Variants in NCAM2 observed in about 807,000 individuals in gnomAD.
NCAM2 encodes the protein neural cell adhesion molecule 2.
A neutral mutation model predicts 98.1 loss-of-function variants in NCAM2; 30 were observed. The ratio of observed to expected loss-of-function variants is 0.31; its 90% CI spans 0.23 to 0.41. The LOEUF (loss-of-function observed/expected upper bound fraction) is 0.41, where lower values mean the gene tolerates loss of function less well. NCAM2 is among the 10% of genes least tolerant of loss of function. The pLI, the probability that NCAM2 is intolerant of heterozygous loss-of-function variation, is 1.00. For missense variants in NCAM2, 867 were observed against 1,005.8 expected, an observed-to-expected ratio of 0.86 and a Z score of 1.87; for synonymous variants, 368 against 342.4, an observed-to-expected ratio of 1.07 and a Z score of -0.83.
chr21:21,454,713 T>C (rs1981863326), intron 12 of NCAM2, among the ~76,000 whole-genome samples: 1 of 151,994 alleles, frequency 6.6e-6, no homozygotes. Flanking sequence ...CTTCAGAATG[T>C]TTGGTATACA....
chr21:21,276,510 A>G (rs1418924737), intron 1 of NCAM2, among the ~76,000 whole-genome samples: 1 of 152,048 alleles, frequency 6.6e-6, no homozygotes, highest in Non-Finnish European at 1.5e-5. Context: ...ATGGATAGCT[A>G]TCAAATGTTT....
chr21:21,426,812 A>T (rs538398083), intron 11 of NCAM2, among the ~76,000 whole-genome samples: 33 of 152,196 alleles, frequency 2.2e-4, no homozygotes, highest in Non-Finnish European at 4.4e-4. Flanking sequence ...GGTTCACTAC[A>T]TGAAACTTAG....
chr21:21,076,313 A>C (rs1396366252), intron 1 of NCAM2, among the ~76,000 whole-genome samples: 2 of 152,292 alleles, frequency 1.3e-5, no homozygotes, highest in East Asian at 3.9e-4. Flanking sequence ...AATAAACTTA[A>C]ACAAAAAGCA....
intron 1 of NCAM2, among the ~76,000 whole-genome samples, chr21:21,197,318 T>C (rs980382430): frequency 3.3e-5 from 5 of 152,004 alleles, no homozygotes; most frequent in Non-Finnish European, 5.9e-5. Flanking sequence ...TTAGTAGAGA[T>C]GAGGTTTCAC....
At chr21:21,410,069 C>T (rs916872725) in intron 9 of NCAM2, among the ~76,000 whole-genome samples, 1 of 151,854 alleles carries the variant, frequency 6.6e-6, no homozygotes, top group African/African-American at 2.4e-5. Context: ...GGAGGCGGAG[C>T]TTGCAGTGAG....
intron 1 of NCAM2, among the ~76,000 whole-genome samples, chr21:21,173,895 C>T (rs1300996047): frequency 6.6e-6 from 1 of 152,038 alleles, no homozygotes; most frequent in East Asian, 1.9e-4. Context: ...CTAGGATTGG[C>T]ATACAGGTGT....
intron 1 of NCAM2, among the ~76,000 whole-genome samples, chr21:21,111,774 C>T (rs928098491): frequency 1.3e-5 from 2 of 151,966 alleles, no homozygotes; most frequent in Middle Eastern, 3.2e-3. Context: ...TAGCGGGGGT[C>T]GTTTCAGGTT....
At chr21:21,162,470 C>G (rs2067814627) in intron 1 of NCAM2, among the ~76,000 whole-genome samples, 1 of 151,960 alleles carries the variant, frequency 6.6e-6, no homozygotes, top group African/African-American at 2.4e-5. Context: ...TGTTTAAATA[C>G]CAGTTTAGCA....
intron 1 of NCAM2, 100 bp downstream of exon 1, chr21:20,998,718 A>G (rs952242253): frequency 2.7e-6 from 3 of 1,127,212 alleles, no homozygotes; most frequent in East Asian, 2.5e-5. Context: ...TGAAAGAACT[A>G]AAGTTACAGT....
At chr21:21,492,801 A>C (rs1277648939) in intron 15 of NCAM2, among the ~76,000 whole-genome samples, 1 of 151,928 alleles carries the variant, frequency 6.6e-6, no homozygotes, top group Non-Finnish European at 1.5e-5. Context: ...CAAAATGTTA[A>C]AAACAAGTAT....
intron 1 of NCAM2, among the ~76,000 whole-genome samples, chr21:21,000,517 T>C (rs1462762691): frequency 6.6e-6 from 1 of 152,200 alleles, no homozygotes; most frequent in African/African-American, 2.4e-5. Context: ...GTAACATAGA[T>C]GTGAAATTGT....
chr21:21,425,019 A>G (rs2077183749), intron 11 of NCAM2, among the ~76,000 whole-genome samples: 2 of 142,790 alleles, frequency 1.4e-5, no homozygotes, highest in Non-Finnish European at 3.0e-5. Flanking sequence ...CTGGGCGACA[A>G]AAGCGGGACT....
intron 8 of NCAM2, among the ~76,000 whole-genome samples, chr21:21,348,395 G>C (rs2075245219): frequency 6.6e-6 from 1 of 151,958 alleles, no homozygotes; most frequent in Non-Finnish European, 1.5e-5. Context: ...AACCAAAGAA[G>C]TGAAATGTAT....
chr21:21,230,982 G>A (rs755818994), intron 1 of NCAM2, among the ~76,000 whole-genome samples: 115 of 151,334 alleles, frequency 7.6e-4, no homozygotes, highest in African/African-American at 1.5e-3. Context: ...AAATTATAAC[G>A]TATTTCCGAG....
intron 1 of NCAM2, among the ~76,000 whole-genome samples, chr21:21,115,971 G>A (rs2066546432): frequency 7.3e-6 from 1 of 137,852 alleles, no homozygotes; most frequent in Admixed American, 7.8e-5. Context: ...GTGTGTGTGT[G>A]TGTGTGTGTG....
At chr21:21,154,708 G>C (rs73894481) in intron 1 of NCAM2, among the ~76,000 whole-genome samples, 154 of 151,938 alleles carry the variant, frequency 1.0e-3, no homozygotes, top group African/African-American at 3.4e-3. Flanking sequence ...AAAACTCTTA[G>C]ATATGTATAT....
intron 8 of NCAM2, among the ~76,000 whole-genome samples, chr21:21,354,882 C>T (rs974006505): frequency 1.3e-5 from 2 of 152,202 alleles, no homozygotes; most frequent in African/African-American, 2.4e-5. Context: ...AATAAAACAG[C>T]GGGATAAGCT....
In NCAM2 at chr21:21,537,983, A is replaced by T; in HGVS notation, c.*26A>T. 1 of 1,327,858 alleles carries T rather than the reference A, an allele frequency of 7.5e-7. No homozygotes were observed. The highest frequency in any genetic ancestry group is 1.0e-6 in the Non-Finnish European group (1 of 959,502). 82.3% of individuals were successfully genotyped at this position (1,327,858 alleles called of 1,614,324 possible). ...CAACAATATTACAGGGGCTTGAACA[A>T]CACTACGAAGAGTATTTGGATTGCG... On this transcript the variant is annotated 3_prime_UTR_variant, in exon 18 of 18. Coordinates refer to ENST00000400546, the MANE Select transcript of NCAM2 (RefSeq NM_004540.5).
intron 1 of NCAM2, among the ~76,000 whole-genome samples, chr21:21,116,859 GAA>G (rs927536539): frequency 2.7e-5 from 3 of 110,594 alleles, no homozygotes; most frequent in Admixed American, 9.0e-5. Flanking sequence ...CGTCTCAAAA[GAA>G]AAAAAAAAAA....
Sources: allele counts gnomAD v4.1 joint callset (sites outside exome capture counted in the v4.1 genomes callset), GRCh38; gene constraint gnomAD v4.1.1; transcripts MANE v1.5; gene names NCBI Gene and HGNC (gene_info 2026-07-23, HGNC 2026-07-21).